The following PAPPA2 variants were observed in gnomAD, a reference collection of about 807,000 sequenced individuals.
The protein encoded by PAPPA2 is pappalysin-2.
Under a neutral mutation model 176.4 loss-of-function variants are expected in PAPPA2, and 86 were observed. The ratio of observed to expected loss-of-function variants is 0.49; its 90% CI spans 0.41 to 0.58. The LOEUF is 0.58. Among genes scored for constraint, PAPPA2 ranks in the 20% least tolerant of loss-of-function variants. PAPPA2 has a pLI of 0.00. For missense variants in PAPPA2, 2,073 were observed against 2,256.9 expected (o/e 0.92, Z 1.65); for synonymous variants, 809 against 852.2 (o/e 0.95, Z 0.88).
chr1:176,575,056 C>T (rs901052986), intron 2 of PAPPA2, among the ~76,000 whole-genome samples: 6 of 152,160 alleles, frequency 3.9e-5, no homozygotes, highest in Non-Finnish European at 7.3e-5. Flanking sequence ...CAGTATGTGA[C>T]ACCCAGGCAG....
At chr1:176,618,087 G>T (rs1479148828) in intron 3 of PAPPA2, among the ~76,000 whole-genome samples, 1 of 152,208 alleles carries the variant, frequency 6.6e-6, no homozygotes, top group Non-Finnish European at 1.5e-5. Flanking sequence ...TTTGAGAAAT[G>T]TAGTTAAGTT....
chr1:176,622,516 T>G (rs537313228), intron 3 of PAPPA2, among the ~76,000 whole-genome samples: 1 of 152,298 alleles, frequency 6.6e-6, no homozygotes, highest in East Asian at 1.9e-4. Context: ...AATGATCAGC[T>G]TAGAACACCG....
At chr1:176,600,894 C>T (rs1654282981) in intron 3 of PAPPA2, among the ~76,000 whole-genome samples, 2 of 152,072 alleles carry the variant, frequency 1.3e-5, no homozygotes, top group South Asian at 4.1e-4. Context: ...CACTAACATT[C>T]GAATGCAAGG....
chr1:176,581,807 G>T (rs528673143), intron 2 of PAPPA2, among the ~76,000 whole-genome samples: 2 of 148,936 alleles, frequency 1.3e-5, no homozygotes, highest in African/African-American at 4.9e-5. Flanking sequence ...TGTTGATTTT[G>T]TATCCTGCAC....
At position 176,513,624 on chromosome 1, in the gene PAPPA2, ATC is replaced by A. The variant is rs540161414; in HGVS notation, c.-916-41778_-916-41777del. 2.6e-5 allele frequency among the ~76,000 whole-genome samples: 4 copies of A among 152,262 alleles called. No individual in the cohort carries two copies. The South Asian group carries it at 8.3e-4, about 32-fold the overall frequency. On this transcript the variant is annotated intron_variant, in intron 1 of 22. Transcript: ENST00000367662. ...TGTGTTATCTTGGTCCAGTTGGCCA[ATC>A]TCTCATTCCACAAATTTTTCTGATT... is the stretch of plus-strand genomic sequence containing the variant.
chr1:176,478,996 A>G (rs1231836519), intron 1 of PAPPA2, among the ~76,000 whole-genome samples: 1 of 152,200 alleles, frequency 6.6e-6, no homozygotes, highest in Non-Finnish European at 1.5e-5. Flanking sequence ...CTCTTTTAGT[A>G]TCTTTACATT....
chr1:176,803,351 G>A (rs897604772), intron 21 of PAPPA2, among the ~76,000 whole-genome samples: 16 of 152,148 alleles, frequency 1.1e-4, no homozygotes, highest in Admixed American at 5.2e-4. Context: ...TAGCCACTTC[G>A]TGAATGTTTA....
At position 176,769,644 on chromosome 1, in the gene PAPPA2, A is replaced by AC; in HGVS notation, c.4363dup (p.Gln1455ProfsTer56). The AC allele has an allele frequency of 6.2e-7, 1 of 1,613,560 alleles. No homozygotes were observed. On this transcript the variant is annotated frameshift_variant, in exon 16 of 23. Transcript: ENST00000367662. LOFTEE classifies it high-confidence loss of function. ...CTCACATGTTCTTCTGGGCACTGGG[A>AC]CCAGAATGTGAGCTGCCTTCCCGTG...
chr1:176,603,139 A>G (rs1185309298), intron 3 of PAPPA2, among the ~76,000 whole-genome samples: 1 of 152,256 alleles, frequency 6.6e-6, no homozygotes, highest in Admixed American at 6.5e-5. Flanking sequence ...GAGAGACCCC[A>G]GTCTCCAAAT....
chr1:176,638,466 T>C (rs186404839), intron 3 of PAPPA2, among the ~76,000 whole-genome samples: 23 of 152,180 alleles, frequency 1.5e-4, no homozygotes, highest in Admixed American at 7.9e-4. Context: ...AGCGTTTTCA[T>C]TGGCAGCCTC....
At chr1:176,606,150 A>G (rs1654599728) in intron 3 of PAPPA2, among the ~76,000 whole-genome samples, 1 of 151,916 alleles carries the variant, frequency 6.6e-6, no homozygotes, top group South Asian at 2.1e-4. Flanking sequence ...AATGCTCACC[A>G]TAGCTCCAAA....
chr1:176,626,650 G>T (rs1656037521), intron 3 of PAPPA2, among the ~76,000 whole-genome samples: 1 of 152,168 alleles, frequency 6.6e-6, no homozygotes, highest in African/African-American at 2.4e-5. Flanking sequence ...TCTTGTCAAT[G>T]GAGTTATATT....
At chr1:176,712,064 G>A in intron 12 of PAPPA2, 83 bp downstream of exon 12, 5 of 1,448,396 alleles carry the variant, frequency 3.5e-6, no homozygotes, top group Non-Finnish European at 4.7e-6. Context: ...TGTGTAAATG[G>A]TGCATTTGGA....
At chr1:176,524,010 G>C (rs550612677) in intron 1 of PAPPA2, among the ~76,000 whole-genome samples, 1 of 152,308 alleles carries the variant, frequency 6.6e-6, no homozygotes, top group South Asian at 2.1e-4. Context: ...ATATATCAAA[G>C]AACTCCCACC....
intron 4 of PAPPA2, among the ~76,000 whole-genome samples, chr1:176,681,247 C>T (rs1573243077): frequency 6.6e-6 from 1 of 152,228 alleles, no homozygotes; most frequent in East Asian, 1.9e-4. Context: ...TACATATTTC[C>T]GAGTGTTCTG....
At chr1:176,469,359 A>G (rs1651771055) in intron 1 of PAPPA2, among the ~76,000 whole-genome samples, 1 of 152,066 alleles carries the variant, frequency 6.6e-6, no homozygotes, top group South Asian at 2.1e-4. Context: ...TGTTTCTGGG[A>G]GAGGGAGTGG....
chr1:176,793,945 T>C (rs1665301577), intron 20 of PAPPA2, among the ~76,000 whole-genome samples: 1 of 152,048 alleles, frequency 6.6e-6, no homozygotes, highest in African/African-American at 2.4e-5. Context: ...ATACAAAAAA[T>C]TAGCCCAGTG....
intron 1 of PAPPA2, among the ~76,000 whole-genome samples, chr1:176,538,679 G>A (rs72715193): frequency 0.041 from 6,281 of 152,120 alleles, 184 homozygotes; most frequent in Middle Eastern, 0.092. Context: ...CACCCATGGT[G>A]GCCCAAGTTT....
chr1:176,732,028 A>G (rs1662182451), intron 12 of PAPPA2, among the ~76,000 whole-genome samples: 2 of 152,274 alleles, frequency 1.3e-5, no homozygotes, highest in African/African-American at 4.8e-5. Flanking sequence ...TAAAAAATAT[A>G]ATTAGTCAGA....
Sources: gnomAD v4.1 joint callset for allele counts (sites outside exome capture counted in the v4.1 genomes callset) on GRCh38, gnomAD v4.1.1 for gene constraint, MANE v1.5 for transcripts, NCBI Gene and HGNC (gene_info 2026-07-23, HGNC 2026-07-21) for gene names.